The following MAPK10 variants were observed in gnomAD, a reference collection of about 807,000 sequenced individuals.
MAPK10 encodes JNK3 alpha protein kinase.
In MAPK10, 25 loss-of-function variants were observed where a neutral mutation model predicts 59.3. That is an observed-to-expected ratio of 0.42 (90% confidence interval 0.31 to 0.59). MAPK10 has a LOEUF of 0.59. MAPK10 is among the 20% of genes least tolerant of loss of function. MAPK10 has a pLI of 0.15. For missense variants in MAPK10, 351 were observed against 568.9 expected (o/e 0.62, Z 3.90); for synonymous variants, 190 against 200.5 (o/e 0.95, Z 0.44).
chr4:86,475,343 A>C (rs2149067868), intron 1 of MAPK10, among the ~76,000 whole-genome samples: 1 of 152,272 alleles, frequency 6.6e-6, no homozygotes, highest in Middle Eastern at 3.4e-3. Context: ...CAGACCGACC[A>C]GCCCAAGGAA....
At position 86,171,536 on chromosome 4, in the gene MAPK10, G is replaced by A. The variant is rs181197037; in HGVS notation, c.67-12069C>T. ...ACTGGCTAGCCATATGTAGAAAGCG[G>A]AAACTGGATCCCTCCATTACACCTT... On this transcript the variant is annotated intron_variant, in intron 3 of 13. Coordinates refer to ENST00000641462, the MANE Select transcript of MAPK10 (RefSeq NM_138982.4). Among the ~76,000 whole-genome samples the A allele has an allele frequency of 3.6e-3, 547 of 152,244 alleles. 9 individuals carry two copies. The highest frequency in any genetic ancestry group is 0.013 in the African/African-American group (527 of 41,510).
intron 2 of MAPK10, among the ~76,000 whole-genome samples, chr4:86,250,079 C>T (rs2093335137): frequency 6.6e-6 from 1 of 152,072 alleles, no homozygotes. Flanking sequence ...CATACTTTGC[C>T]TTTGTCTAAA....
intron 2 of MAPK10, among the ~76,000 whole-genome samples, chr4:86,198,791 A>G (rs1035504897): frequency 1.3e-5 from 2 of 151,772 alleles, no homozygotes; most frequent in African/African-American, 4.8e-5. Flanking sequence ...AGTAGTCCAC[A>G]TGTTTGAAAT....
At chr4:86,387,943 T>A (rs1490398441) in intron 1 of MAPK10, among the ~76,000 whole-genome samples, 8 of 150,628 alleles carry the variant, frequency 5.3e-5, no homozygotes, top group Admixed American at 5.3e-4. Context: ...AAAACTATTT[T>A]AAAAATATAT....
chr4:86,349,907 A>G (rs536181724), intron 2 of MAPK10, among the ~76,000 whole-genome samples: 2 of 152,348 alleles, frequency 1.3e-5, no homozygotes, highest in African/African-American at 4.8e-5. Context: ...GAGTGAATAC[A>G]GGCAGTATAA....
intron 1 of MAPK10, among the ~76,000 whole-genome samples, chr4:86,523,657 A>G (rs1414832103): frequency 6.6e-6 from 1 of 152,234 alleles, no homozygotes. Flanking sequence ...ATTCAGCTTC[A>G]GGAGATACAT....
At chr4:86,129,651 G>A (rs926142801) in intron 4 of MAPK10, among the ~76,000 whole-genome samples, 2 of 152,072 alleles carry the variant, frequency 1.3e-5, no homozygotes, top group African/African-American at 2.4e-5. Context: ...CTAAATGCAC[G>A]TCCTGCTCTT....
At chr4:86,053,195 T>C (rs1404449136) in intron 11 of MAPK10, among the ~76,000 whole-genome samples, 1 of 152,194 alleles carries the variant, frequency 6.6e-6, no homozygotes, top group East Asian at 1.9e-4. Flanking sequence ...ACAGAGTTTA[T>C]GTATAATAAT....
At chr4:86,272,743 A>G (rs1461889839) in intron 2 of MAPK10, among the ~76,000 whole-genome samples, 3 of 152,050 alleles carry the variant, frequency 2.0e-5, no homozygotes, top group Non-Finnish European at 2.9e-5. Flanking sequence ...ATCACATGAC[A>G]TTTGCCTGTA....
intron 9 of MAPK10, among the ~76,000 whole-genome samples, chr4:86,071,591 A>C (rs2047984679): frequency 6.7e-6 from 1 of 150,192 alleles, no homozygotes; most frequent in Non-Finnish European, 1.5e-5. Flanking sequence ...GAAGGGATCC[A>C]GTTTCAGCTT....
At chr4:86,215,014 C>T (rs2087042310) in intron 2 of MAPK10, among the ~76,000 whole-genome samples, 2 of 152,072 alleles carry the variant, frequency 1.3e-5, no homozygotes, top group Admixed American at 1.3e-4. Context: ...TCAAAACCTA[C>T]TACAAAGCTA....
chr4:86,440,203 A>T (rs1372042727), intron 1 of MAPK10, among the ~76,000 whole-genome samples: 2 of 152,160 alleles, frequency 1.3e-5, no homozygotes, highest in African/African-American at 4.8e-5. Flanking sequence ...AATTCTCAAA[A>T]ATGGGCATGT....
At chr4:86,547,700 T>C (rs985060312) in intron 1 of MAPK10, among the ~76,000 whole-genome samples, 2 of 152,220 alleles carry the variant, frequency 1.3e-5, no homozygotes, top group Non-Finnish European at 2.9e-5. Flanking sequence ...TGAAGCCAGC[T>C]GGGCTCCTGA....
Position 86,372,571 on chromosome 4 carries a change from A to AG in MAPK10, c.-121-17928_-121-17927insC, listed in dbSNP as rs1554253762. Among the ~76,000 whole-genome samples the AG allele has an allele frequency of 1.0e-3, 153 of 148,562 alleles. 1 individual carries two copies. Among genetic ancestry groups the AG allele is most frequent in the African/African-American group, 2.6e-3 (104 of 39,838 alleles). On this transcript the variant is annotated intron_variant, in intron 1 of 13. Transcript: ENST00000361569. The stretch of plus-strand genomic sequence containing the variant: ...AAGAAAGAAAGAAAGAAAGAAAGAA[A>AG]AGAAAAGAAAAGAAAAGAAAAGAAA...
intron 10 of MAPK10, among the ~76,000 whole-genome samples, chr4:86,067,490 T>C (rs547202482): frequency 6.6e-6 from 1 of 152,218 alleles, no homozygotes; most frequent in South Asian, 2.1e-4. Context: ...CTCCCCTTTG[T>C]AGGAACGATC....
intron 3 of MAPK10, among the ~76,000 whole-genome samples, chr4:86,168,014 A>C (rs1211515692): frequency 6.6e-6 from 1 of 152,240 alleles, no homozygotes; most frequent in Non-Finnish European, 1.5e-5. Context: ...TAAGCTGATA[A>C]GCAACTTCAG....
chr4:86,388,945 A>G (rs1208609486), intron 1 of MAPK10, among the ~76,000 whole-genome samples: 1 of 152,226 alleles, frequency 6.6e-6, no homozygotes, highest in Non-Finnish European at 1.5e-5. Flanking sequence ...ACAAAATAAT[A>G]TATGTAATGT....
At chr4:86,166,223 T>A (rs555406998) in intron 3 of MAPK10, among the ~76,000 whole-genome samples, 1 of 152,226 alleles carries the variant, frequency 6.6e-6, no homozygotes, top group Non-Finnish European at 1.5e-5. Flanking sequence ...CTGAGAACTT[T>A]AGCAAAGGGT....
intron 1 of MAPK10, among the ~76,000 whole-genome samples, chr4:86,433,984 C>CTA: frequency 6.6e-6 from 1 of 152,094 alleles, no homozygotes. Flanking sequence ...TTTATTTCCA[C>CTA]TATATATATG....
Sources: allele counts gnomAD v4.1 joint callset (sites outside exome capture counted in the v4.1 genomes callset), GRCh38; gene constraint gnomAD v4.1.1; transcripts MANE v1.5; gene names NCBI Gene and HGNC (gene_info 2026-07-23, HGNC 2026-07-21).